The following C4orf36 variants were observed in gnomAD, a reference collection of about 807,000 sequenced individuals.
The protein encoded by C4orf36 is uncharacterized protein C4orf36.
A neutral mutation model predicts 12.2 loss-of-function variants in C4orf36; 11 were observed. That is an observed-to-expected ratio of 0.90 (90% confidence interval 0.57 to 1.49). The LOEUF (loss-of-function observed/expected upper bound fraction) is 1.49, where lower values mean the gene tolerates loss of function less well. Among genes scored for constraint, C4orf36 ranks in the 40% most tolerant of loss-of-function variants. C4orf36 has a pLI of 0.00. For synonymous variants in C4orf36, 54 were observed against 51.3 expected (o/e 1.05, Z -0.22); for missense variants, 137 against 133.9 (o/e 1.02, Z -0.11).
At chr4:86,910,006 G>A in the C4orf36 span, among the ~76,000 whole-genome samples, 8 of 151,660 alleles carry the variant, frequency 5.3e-5, no homozygotes, top group Non-Finnish European at 1.5e-5. Context: ...TTATCTCATT[G>A]GACACAAGCA....
At chr4:86,883,364 T>C (rs1747093583) in intron 4 of C4orf36, among the ~76,000 whole-genome samples, 1 of 152,206 alleles carries the variant, frequency 6.6e-6, no homozygotes, top group South Asian at 2.1e-4. Flanking sequence ...GTAGTACATA[T>C]ATATTGTAAG....
At chr4:86,895,925 G>T (rs548572181), upstream of C4orf36, among the ~76,000 whole-genome samples, 8 of 152,288 alleles carry the variant, frequency 5.3e-5, no homozygotes, top group African/African-American at 1.7e-4. Flanking sequence ...AGAGAGCATT[G>T]CTGCCACCTA....
At chr4:86,932,897 TGA>T in the C4orf36 span, among the ~76,000 whole-genome samples, 9 of 152,118 alleles carry the variant, frequency 5.9e-5, no homozygotes, top group African/African-American at 2.2e-4. Context: ...GGAATTTCAT[TGA>T]GTGTGCTAAA....
At chr4:86,913,575 C>G in the C4orf36 span, 9 of 1,213,676 alleles carry the variant, frequency 7.4e-6, no homozygotes, top group East Asian at 2.3e-5. Context: ...TGGCCAGCAG[C>G]CACCACTCTG....
chr4:86,913,136 T>C, the C4orf36 span: 1 of 279,658 alleles, frequency 3.6e-6, no homozygotes, highest in Non-Finnish European at 6.9e-6. Context: ...AACCACATGG[T>C]ATTGGCGTGA....
intron 4 of C4orf36, among the ~76,000 whole-genome samples, chr4:86,881,554 G>T (rs1041813819): frequency 6.6e-6 from 1 of 151,648 alleles, no homozygotes; most frequent in Non-Finnish European, 1.5e-5. Context: ...ATGCTACTAC[G>T]CCCCAGCCTG....
At chr4:86,884,561 T>C (rs1747126520) in intron 4 of C4orf36, among the ~76,000 whole-genome samples, 1 of 152,066 alleles carries the variant, frequency 6.6e-6, no homozygotes, top group Non-Finnish European at 1.5e-5. Context: ...CACCTCAGCC[T>C]CCGAAAGCAC....
At chr4:86,913,546 G>C in the C4orf36 span, 2 of 996,500 alleles carry the variant, frequency 2.0e-6, no homozygotes, top group Non-Finnish European at 3.1e-6. Context: ...TCATCGAAAA[G>C]AGCGTTGGGC....
the C4orf36 span, chr4:86,932,347 CAAAAAAAA>C: frequency 8.4e-6 from 1 of 118,698 alleles, no homozygotes. Context: ...AACTTCATAT[CAAAAAAAA>C]AAAAAAAAAA....
chr4:86,925,045 T>C, the C4orf36 span: 1 of 151,778 alleles, frequency 6.6e-6, no homozygotes, highest in Non-Finnish European at 1.5e-5. Flanking sequence ...AAATGATGAG[T>C]TCTCTCAAGA....
intron 4 of C4orf36, among the ~76,000 whole-genome samples, chr4:86,880,745 T>TA (rs148634110): frequency 0.02 from 3,000 of 152,244 alleles, 112 homozygotes; most frequent in African/African-American, 0.068. Context: ...AATATGTAGA[T>TA]AAAATGTAGA....
the C4orf36 span, among the ~76,000 whole-genome samples, chr4:86,931,697 C>A: frequency 1.3e-5 from 2 of 152,120 alleles, no homozygotes; most frequent in Non-Finnish European, 2.9e-5. Context: ...AGTGCCTGGC[C>A]TTATTTTATT....
the C4orf36 span, among the ~76,000 whole-genome samples, chr4:86,921,165 C>CAA: frequency 6.3e-5 from 6 of 95,040 alleles, no homozygotes; most frequent in Admixed American, 1.1e-4. Context: ...AACTCCTTCT[C>CAA]AAAAAAAAAA....
the C4orf36 span, among the ~76,000 whole-genome samples, chr4:86,929,170 C>G: frequency 6.6e-6 from 1 of 152,134 alleles, no homozygotes; most frequent in African/African-American, 2.4e-5. Flanking sequence ...CATTCATTAC[C>G]TGACAATTTC....
At chr4:86,891,781 G>A (rs1747426646) in intron 1 of C4orf36, among the ~76,000 whole-genome samples, 188 bp from the exon 2 acceptor site, 1 of 152,080 alleles carries the variant, frequency 6.6e-6, no homozygotes, top group East Asian at 1.9e-4. Context: ...CACCGAATAA[G>A]GAGAAAATGC....
chr4:86,929,268 C>T, the C4orf36 span, among the ~76,000 whole-genome samples: 2 of 152,184 alleles, frequency 1.3e-5, no homozygotes, highest in South Asian at 2.1e-4. Flanking sequence ...GATGTATCTT[C>T]ATCTGGAGGC....
At chr4:86,905,044 T>C in the C4orf36 span, among the ~76,000 whole-genome samples, 17 of 151,722 alleles carry the variant, frequency 1.1e-4, no homozygotes, top group East Asian at 3.3e-3. Flanking sequence ...GAGACCAGTC[T>C]AGGCAACATA....
the C4orf36 span, among the ~76,000 whole-genome samples, chr4:86,929,506 TACTC>T: frequency 3.3e-5 from 5 of 152,190 alleles, no homozygotes; most frequent in Non-Finnish European, 7.3e-5. Context: ...CTCTCTGACT[TACTC>T]CTTCTTTGGC....
chr4:86,910,873 G>T, the C4orf36 span, among the ~76,000 whole-genome samples: 3 of 151,886 alleles, frequency 2.0e-5, no homozygotes, highest in East Asian at 5.8e-4. Flanking sequence ...AGACCATCCT[G>T]GCCAACATGG....
Sources: gnomAD v4.1 joint callset for allele counts (sites outside exome capture counted in the v4.1 genomes callset) on GRCh38, gnomAD v4.1.1 for gene constraint, MANE v1.5 for transcripts, NCBI Gene and HGNC (gene_info 2026-07-23, HGNC 2026-07-21) for gene names.